Variants in CMBL observed in about 807,000 individuals in gnomAD.
The protein encoded by CMBL is carboxymethylenebutenolidase homolog, also known as carboxymethylenebutenolidase homolog (Pseudomonas).
CMBL carries 17 observed loss-of-function variants against 28.7 expected under a neutral mutation model. That is an observed-to-expected ratio of 0.59 (90% CI 0.41 to 0.89). The LOEUF (loss-of-function observed/expected upper bound fraction) is 0.89. Ranked by LOEUF, CMBL falls within the 40% of genes least tolerant of loss-of-function variation. The probability of loss-of-function intolerance (pLI) is 0.00; values close to 1 mark genes in which losing one functional copy is unlikely to be tolerated. For missense variants in CMBL, 310 were observed against 298.5 expected, an observed-to-expected ratio of 1.04 and a Z score of -0.28; for synonymous variants, 106 against 101.6, an observed-to-expected ratio of 1.04 and a Z score of -0.26.
At chr5:10,281,067 C>T (rs1025542196) in intron 5 of CMBL, among the ~76,000 whole-genome samples, 6 of 152,368 alleles carry the variant, frequency 3.9e-5, no homozygotes, top group African/African-American at 1.4e-4. Flanking sequence ...AGCCACGGCG[C>T]CCGGCCTCTA....
At chr5:10,290,980 A>G (rs1746703358) in intron 1 of CMBL, among the ~76,000 whole-genome samples, 199 bp from the exon 2 acceptor site, 1 of 152,224 alleles carries the variant, frequency 6.6e-6, no homozygotes, top group African/African-American at 2.4e-5. Context: ...GCCGGATTGA[A>G]TAACAACAAA....
At chr5:10,295,039 C>G (rs1746784616) in intron 1 of CMBL, among the ~76,000 whole-genome samples, 1 of 151,916 alleles carries the variant, frequency 6.6e-6, no homozygotes, top group Non-Finnish European at 1.5e-5. Context: ...TACAGCTGAC[C>G]CTCATTGTTT....
intron 1 of CMBL, among the ~76,000 whole-genome samples, chr5:10,292,537 G>T (rs546139026): frequency 1.3e-5 from 2 of 152,100 alleles, no homozygotes; most frequent in South Asian, 2.1e-4. Context: ...AAAAATTAAG[G>T]TTCCGGACCA....
rs777042773 is a variant in CMBL, at chr5:10,286,403, A to C, written c.417T>G (p.His139Gln). 5 of 1,614,018 alleles carry C rather than the reference A, an allele frequency of 3.1e-6. No homozygotes were observed. The Admixed American group carries it at 8.3e-5, about 27-fold the overall frequency. Residue 139 changes from histidine to glutamine, a missense_variant, in exon 4 of 6, where the codon CAT (histidine) becomes CAG (glutamine). By Grantham distance (24) the His-to-Gln change is conservative. Transcript: ENST00000296658. ...ATTCTGAGTATTTCATCATCAAATGATGGACAGCAGTTCCACCCCAGCAGA... is the reference window on the plus strand; with the variant it reads ...ATTCTGAGTATTTCATCATCAAATGCTGGACAGCAGTTCCACCCCAGCAGA... ...VGFCWGGTAV[H>Q]HLMMKYSEFR...
chr5:10,291,767 T>C (rs1413964310), intron 1 of CMBL, among the ~76,000 whole-genome samples: 1 of 152,196 alleles, frequency 6.6e-6, no homozygotes, highest in East Asian at 1.9e-4. Context: ...CAATTGACTC[T>C]GGGCCAGTGA....
intron 3 of CMBL, 80 bp downstream of exon 3, chr5:10,288,342 G>C: frequency 2.1e-6 from 2 of 953,314 alleles, no homozygotes; most frequent in Non-Finnish European, 3.4e-6. Context: ...GTAAGGAGTA[G>C]TGTCTGAAAG....
At chr5:10,282,057 G>A in intron 5 of CMBL, 140 bp downstream of exon 5, 1 of 605,850 alleles carries the variant, frequency 1.7e-6, no homozygotes, top group Admixed American at 2.8e-5. Flanking sequence ...CTACTCGGGA[G>A]GCTGAGGCAC....
Position 10,290,562 on chromosome 5 carries a change from T to G in CMBL, c.201A>C (p.Ser67=). 1 of 1,613,306 alleles carries G rather than the reference T, an allele frequency of 6.2e-7. No homozygotes were observed. Among genetic ancestry groups the G allele is most frequent in the Non-Finnish European group, 8.5e-7 (1 of 1,179,180 alleles). The change falls in exon 2 of 6, where the codon TCA becomes TCC. Residue 67 remains serine, a synonymous_variant. Transcript: ENST00000296658. ...PNTRYIADMI[S]GNGYTTIVPD... is the part of the protein sequence containing the mutation. ...TTTATACATACGTGTATCCATTTCCTGAGATCATGTCAGCTATATATCTGG... is the reference window on the plus strand; with the variant it reads ...TTTATACATACGTGTATCCATTTCCGGAGATCATGTCAGCTATATATCTGG...
chr5:10,283,428 C>T (rs753543534), intron 4 of CMBL, among the ~76,000 whole-genome samples: 1 of 152,054 alleles, frequency 6.6e-6, no homozygotes, highest in Admixed American at 6.6e-5. Flanking sequence ...CACCAGACCA[C>T]GAGTGTGGAA....
At chr5:10,290,345 A>G (rs10043622) in intron 2 of CMBL, 440,217 of 578,508 alleles carry the variant, frequency 0.76, 171,781 homozygotes, top group African/African-American at 0.92. Context: ...CAGGAAACCC[A>G]GGAATGGGGT....
At chr5:10,286,310 C>T in intron 4 of CMBL, 44 bp downstream of exon 4, 2 of 1,580,620 alleles carry the variant, frequency 1.3e-6, no homozygotes, top group Middle Eastern at 1.7e-4. Flanking sequence ...CACTCTTCCA[C>T]CCCTCCCTTC....
chr5:10,304,105 A>G (rs2662525), intron 1 of CMBL, among the ~76,000 whole-genome samples: 1 of 151,708 alleles, frequency 6.6e-6, no homozygotes, highest in African/African-American at 2.4e-5. Context: ...TCATGCCTAT[A>G]CTCCCAACAC....
intron 1 of CMBL, among the ~76,000 whole-genome samples, chr5:10,300,522 C>A (rs1374473252): frequency 1.3e-5 from 2 of 152,058 alleles, no homozygotes; most frequent in African/African-American, 4.8e-5. Context: ...ATCTCCAGAC[C>A]CGCATGGTGG....
intron 4 of CMBL, among the ~76,000 whole-genome samples, chr5:10,285,891 G>GT (rs1350124306): frequency 6.6e-6 from 1 of 151,242 alleles, no homozygotes; most frequent in African/African-American, 2.4e-5. Context: ...TAGAGACAGG[G>GT]TTTTGCCATG....
At chr5:10,285,448 T>C (rs1746581928) in intron 4 of CMBL, among the ~76,000 whole-genome samples, 1 of 151,994 alleles carries the variant, frequency 6.6e-6, no homozygotes, top group African/African-American at 2.4e-5. Context: ...ATTATAGGCG[T>C]GAGCCACCAC....
Position 10,286,345 on chromosome 5 carries a change from C to A in CMBL, c.466+9G>T. ...CTGCATGGAGTAAAAATGCACAAGGCAGATTTACCATAGACGGACACCCCT... is the reference window on the plus strand; with the variant it reads ...CTGCATGGAGTAAAAATGCACAAGGAAGATTTACCATAGACGGACACCCCT... On this transcript the variant is annotated intron_variant, in intron 4 of 5. Coordinates refer to ENST00000296658, the MANE Select transcript of CMBL (RefSeq NM_138809.4). 2 of 1,612,168 alleles carry A rather than the reference C, an allele frequency of 1.2e-6. No individual in the cohort carries two copies. Among genetic ancestry groups the A allele is most frequent in the Non-Finnish European group, 1.7e-6 (2 of 1,179,042 alleles).
intron 1 of CMBL, among the ~76,000 whole-genome samples, chr5:10,294,291 T>C (rs573332620): frequency 5.9e-5 from 9 of 152,358 alleles, no homozygotes; most frequent in East Asian, 1.9e-4. Flanking sequence ...TACAGTATCA[T>C]TGGCCTGACA....
intron 4 of CMBL, among the ~76,000 whole-genome samples, chr5:10,282,620 A>C (rs1194705179): frequency 6.6e-6 from 1 of 151,764 alleles, no homozygotes; most frequent in Non-Finnish European, 1.5e-5. Flanking sequence ...CTGTCTCTAC[A>C]AAAAATACAA....
At chr5:10,282,147 G>A (rs767888360) in intron 5 of CMBL, 50 bp downstream of exon 5, 51 of 1,296,716 alleles carry the variant, frequency 3.9e-5, no homozygotes, top group Non-Finnish European at 4.6e-5. Context: ...GCGACAGAGC[G>A]AGACTCCATC....
Sources: gnomAD v4.1 joint callset for allele counts (sites outside exome capture counted in the v4.1 genomes callset) on GRCh38, gnomAD v4.1.1 for gene constraint, MANE v1.5 for transcripts, NCBI Gene and HGNC (gene_info 2026-07-23, HGNC 2026-07-21) for gene names.